SUSD4: variants seen among roughly 807,000 people sequenced by gnomAD.
SUSD4 encodes sushi domain-containing protein 4.
A neutral mutation model predicts 50.5 loss-of-function variants in SUSD4; 41 were observed. That is an observed-to-expected ratio of 0.81 (90% confidence interval 0.63 to 1.05). The LOEUF is 1.05. Ranked by LOEUF, SUSD4 falls within the 50% of genes least tolerant of loss-of-function variation. The pLI, the probability that SUSD4 is intolerant of heterozygous loss-of-function variation, is 0.00. For synonymous variants in SUSD4, 257 were observed against 257.3 expected (o/e 1.00, Z 0.01); for missense variants, 580 against 634.7 (o/e 0.91, Z 0.93).
chr1:223,228,761 T>A (rs1659693801), intron 6 of SUSD4, among the ~76,000 whole-genome samples: 1 of 152,078 alleles, frequency 6.6e-6, no homozygotes, highest in Admixed American at 6.5e-5. Context: ...GCAATGCATC[T>A]AATTCTGGTC....
chr1:223,317,467 T>C (rs1666268919), intron 2 of SUSD4, among the ~76,000 whole-genome samples: 1 of 152,220 alleles, frequency 6.6e-6, no homozygotes. Context: ...GGACTCTCCC[T>C]GAATTCTTTC....
In SUSD4 at chr1:223,227,595, T is replaced by C; in HGVS notation, c.1060A>G (p.Arg354Gly). The C allele has an allele frequency of 6.2e-7, 1 of 1,613,610 alleles. No homozygotes were observed. ...CAGCTGCCAAGACATGACACTGACC[T>C]GGGGGGAAAGTGGGCCTTGAACTTG... ...QTKFKAHFPP[R>G]GPPRSSSSDP... The change falls in exon 7 of 9, where the codon AGG (arginine) becomes GGG (glycine). Residue 354 changes from arginine (R) to glycine (G), a missense_variant and splice_region_variant. Physicochemically the swap from Arg to Gly is moderately radical, Grantham distance 125. Transcript: ENST00000366878. The surrounding 1 kb of genome is among the most constrained non-coding windows in gnomAD (Gnocchi z 4.5).
chr1:223,320,783 G>C (rs1243185533), intron 2 of SUSD4, among the ~76,000 whole-genome samples: 3 of 152,150 alleles, frequency 2.0e-5, no homozygotes, highest in Non-Finnish European at 4.4e-5. Flanking sequence ...GGCCGTCCCA[G>C]GACAGTGCCT....
At chr1:223,235,834 A>G (rs1660182524) in intron 5 of SUSD4, among the ~76,000 whole-genome samples, 1 of 152,196 alleles carries the variant, frequency 6.6e-6, no homozygotes, top group African/African-American at 2.4e-5. Context: ...ATTTGTGTGC[A>G]GGTTTTGGTG....
Position 223,289,076 on chromosome 1 carries a change from G to T in SUSD4, c.361+3363C>A, listed in dbSNP as rs1011557778. The stretch of plus-strand genomic sequence containing the variant: ...TAACTGAGTTGGTTTTGGAAAGGAA[G>T]CGGCCAGATGGTGGCCAGCACCCTG... On this transcript the variant is annotated intron_variant, in intron 3 of 8. Coordinates refer to ENST00000366878, the MANE Select transcript of SUSD4 (RefSeq NM_017982.4). 5.1e-6 allele frequency: 5 copies of T among 984,630 alleles called. No homozygotes were observed. The African/African-American group carries it at 8.7e-5, about 17-fold the overall frequency. The allele number at this position is 984,630 out of a possible 1,614,324, so 61.0% of individuals were successfully genotyped here. A position where few individuals can be genotyped will look rare whatever the true frequency, so the allele number is the denominator to read the frequency against.
At chr1:223,322,738 T>A (rs1390571000) in intron 2 of SUSD4, among the ~76,000 whole-genome samples, 1 of 152,176 alleles carries the variant, frequency 6.6e-6, no homozygotes, top group Non-Finnish European at 1.5e-5. Flanking sequence ...AACAGTGCAT[T>A]CACCAAATTA....
At chr1:223,260,213 G>A (rs1309271409) in intron 5 of SUSD4, among the ~76,000 whole-genome samples, 1 of 152,192 alleles carries the variant, frequency 6.6e-6, no homozygotes, top group African/African-American at 2.4e-5. Context: ...TCTAGGAAAT[G>A]GACTTTGCCA....
At chr1:223,235,186 A>G in intron 5 of SUSD4, 1 of 1,361,582 alleles carries the variant, frequency 7.3e-7, no homozygotes, top group South Asian at 1.4e-5. Flanking sequence ...TTTCTTTCTA[A>G]AAAAAATAAA....
At chr1:223,255,057 C>T (rs917121779) in intron 5 of SUSD4, among the ~76,000 whole-genome samples, 1 of 152,218 alleles carries the variant, frequency 6.6e-6, no homozygotes, top group African/African-American at 2.4e-5. Context: ...GGGATTTTCA[C>T]TGCCAGGGAA....
intron 7 of SUSD4, among the ~76,000 whole-genome samples, chr1:223,226,184 G>A (rs143540493): frequency 4.6e-5 from 7 of 152,248 alleles, no homozygotes; most frequent in Admixed American, 3.9e-4. Context: ...TAATCCTTAG[G>A]CCTTCTTGAG....
At chr1:223,263,677 G>C (rs1320953734) in intron 5 of SUSD4, 5 of 985,360 alleles carry the variant, frequency 5.1e-6, no homozygotes, top group Non-Finnish European at 6.0e-6. Flanking sequence ...CATCCCTAGA[G>C]AGGCCGTCTC....
intron 3 of SUSD4, among the ~76,000 whole-genome samples, chr1:223,284,439 G>A (rs1663992717): frequency 6.6e-6 from 1 of 152,192 alleles, no homozygotes; most frequent in African/African-American, 2.4e-5. Flanking sequence ...CTACCAAGGA[G>A]ACCATGGGAA....
At chr1:223,313,947 G>A (rs940882932) in intron 2 of SUSD4, among the ~76,000 whole-genome samples, 3 of 151,982 alleles carry the variant, frequency 2.0e-5, no homozygotes, top group Non-Finnish European at 4.4e-5. Context: ...ACCCCTTCCC[G>A]GGAAAACTCA....
intron 2 of SUSD4, among the ~76,000 whole-genome samples, chr1:223,323,734 T>C (rs1666721373): frequency 6.6e-6 from 1 of 152,008 alleles, no homozygotes; most frequent in Admixed American, 6.5e-5. Context: ...GCAGGATGCA[T>C]GATGACAAAA....
chr1:223,229,610 C>T lies in SUSD4; in HGVS notation c.725-222G>A, dbSNP rs1659758813. ...CTGAGCACGTGCCGTTGTGACATGG[C>T]ATTGTGAAGTACATCGTAAAAGAGA... On this transcript the variant is annotated intron_variant, in intron 5 of 8. Coordinates refer to ENST00000366878, the MANE Select transcript of SUSD4 (RefSeq NM_017982.4). The surrounding 1 kb of genome is among the most constrained non-coding windows in gnomAD (Gnocchi z 4.7). 6.6e-6 allele frequency among the ~76,000 whole-genome samples: 1 copy of T among 152,126 alleles called. No homozygotes were observed. Among genetic ancestry groups the T allele is most frequent in the African/African-American group, 2.4e-5 (1 of 41,418 alleles).
intron 2 of SUSD4, among the ~76,000 whole-genome samples, chr1:223,359,632 T>A (rs1668858829): frequency 6.6e-6 from 1 of 152,250 alleles, no homozygotes; most frequent in Non-Finnish European, 1.5e-5. Flanking sequence ...GCTGAACATC[T>A]ACTGTGTGTC....
intron 4 of SUSD4, among the ~76,000 whole-genome samples, chr1:223,265,270 C>CAA (rs1460602282): frequency 6.6e-6 from 1 of 152,218 alleles, no homozygotes; most frequent in Non-Finnish European, 1.5e-5. Context: ...AGAGCAGCTT[C>CAA]AGAAGCTTAG....
chr1:223,349,199 T>A (rs1228653392), intron 2 of SUSD4, among the ~76,000 whole-genome samples: 1 of 152,160 alleles, frequency 6.6e-6, no homozygotes, highest in East Asian at 1.9e-4. Flanking sequence ...ACAAAGAAAA[T>A]GTTTTGAGTA....
At chr1:223,243,184 C>T (rs1660700523) in intron 5 of SUSD4, among the ~76,000 whole-genome samples, 1 of 152,154 alleles carries the variant, frequency 6.6e-6, no homozygotes, top group Non-Finnish European at 1.5e-5. Flanking sequence ...CATGGAGACA[C>T]CACAGGACCT....
Sources: allele counts gnomAD v4.1 joint callset (sites outside exome capture counted in the v4.1 genomes callset), GRCh38; gene constraint gnomAD v4.1.1; non-coding constraint Gnocchi (gnomAD v3.1); transcripts MANE v1.5; gene names NCBI Gene and HGNC (gene_info 2026-07-23, HGNC 2026-07-21).